Variants in WDFY3 observed in about 807,000 individuals in gnomAD.
WDFY3 encodes WD repeat and FYVE domain-containing protein 3.
In WDFY3, 66 loss-of-function variants were observed where a neutral mutation model predicts 409.6. The ratio of observed to expected loss-of-function variants is 0.16; its 90% CI spans 0.13 to 0.20. The LOEUF (loss-of-function observed/expected upper bound fraction) is 0.20, where lower values mean the gene tolerates loss of function less well. Among genes scored for constraint, WDFY3 ranks in the 10% least tolerant of loss-of-function variants. The pLI, the probability that WDFY3 is intolerant of heterozygous loss-of-function variation, is 1.00. For missense variants in WDFY3, 3,031 were observed against 4,298.1 expected, an observed-to-expected ratio of 0.71 and a Z score of 8.24; for synonymous variants, 1,521 against 1,537.1, an observed-to-expected ratio of 0.99 and a Z score of 0.25.
At chr4:84,858,983 C>G (rs1302968301) in intron 4 of WDFY3, among the ~76,000 whole-genome samples, 1 of 151,088 alleles carries the variant, frequency 6.6e-6, no homozygotes, top group Non-Finnish European at 1.5e-5. Flanking sequence ...GAGAGACAGA[C>G]AGATAGGAAG....
intron 1 of WDFY3, among the ~76,000 whole-genome samples, chr4:84,937,274 G>C (rs374513226): frequency 6.6e-6 from 1 of 152,094 alleles, no homozygotes; most frequent in Non-Finnish European, 1.5e-5. Context: ...CATATCACAT[G>C]CTGATACACT....
In WDFY3 at chr4:84,690,050, T is replaced by C. The variant is rs78047793; in HGVS notation, c.9363+456A>G. On this transcript the variant is annotated intron_variant, in intron 61 of 67. Transcript: ENST00000295888. Reference sequence around the variant, plus strand: ...TCAGAAATACTCGTTAATTAAATCATCAAGGGCTCTACTGAATATATTCAT... The same window carrying C: ...TCAGAAATACTCGTTAATTAAATCACCAAGGGCTCTACTGAATATATTCAT... Among the ~76,000 whole-genome samples, 1,274 of 152,268 alleles carry C rather than the reference T, an allele frequency of 8.4e-3. 23 individuals carry two copies. The highest frequency in any genetic ancestry group is 0.029 in the African/African-American group (1,203 of 41,560).
At chr4:84,702,313 C>A in intron 56 of WDFY3, 40 bp downstream of exon 56, 1 of 1,513,500 alleles carries the variant, frequency 6.6e-7, no homozygotes, top group South Asian at 1.3e-5. Context: ...TGGACTTTTC[C>A]TGGCTAACAT....
Position 84,803,359 on chromosome 4 carries a change from G to A in WDFY3, c.2538C>T (p.Ile846=). 1.2e-6 allele frequency: 2 copies of A among 1,614,124 alleles called. No individual in the cohort carries two copies. Among genetic ancestry groups the A allele is most frequent in the Non-Finnish European group, 1.7e-6 (2 of 1,180,002 alleles). ...TSSLQSSDAV[I]IHPGAMLAML... ...TGGCAAGCATGGCTCCAGGATGAAT[G>A]ATGACTGCATCAGAACTCTGCAGAG... Residue 846 remains isoleucine (I), a synonymous_variant, in exon 16 of 68, where the codon ATC becomes ATT. Coordinates refer to ENST00000295888, the MANE Select transcript of WDFY3 (RefSeq NM_014991.6).
chr4:84,791,052 G>A (rs938731630), intron 21 of WDFY3, among the ~76,000 whole-genome samples: 7 of 152,080 alleles, frequency 4.6e-5, no homozygotes, highest in South Asian at 2.1e-4. Flanking sequence ...CAGTACAGAC[G>A]TTTCTCAAAA....
intron 62 of WDFY3, 186 bp downstream of exon 62, chr4:84,687,900 C>T (rs1256367759): frequency 3.3e-6 from 2 of 610,578 alleles, no homozygotes; most frequent in African/African-American, 3.7e-5. Context: ...TCGGTGCTGA[C>T]CTTAGTGCAG....
At chr4:84,764,881 A>AT (rs1444841383) in intron 32 of WDFY3, among the ~76,000 whole-genome samples, 2 of 151,864 alleles carry the variant, frequency 1.3e-5, no homozygotes, top group Non-Finnish European at 2.9e-5. Context: ...AAAAAAAAAA[A>AT]GATCTGTCTT....
Position 84,776,573 on chromosome 4 carries a change from T to C in WDFY3, c.4519-1435A>G, listed in dbSNP as rs916716168. On this transcript the variant is annotated intron_variant, in intron 27 of 67. Transcript: ENST00000295888. Reference sequence around the variant, plus strand: ...GGCTGGGTTAGGTAGGTCTTCTTAGTGTTCCCATAATCCCTTCTGTCTACC... The same window carrying C: ...GGCTGGGTTAGGTAGGTCTTCTTAGCGTTCCCATAATCCCTTCTGTCTACC... Among the ~76,000 whole-genome samples the C allele has an allele frequency of 5.3e-5, 8 of 152,192 alleles. No individual in the cohort carries two copies. In the South Asian group the frequency reaches 6.2e-4, roughly 12 times the overall value.
intron 61 of WDFY3, among the ~76,000 whole-genome samples, chr4:84,689,195 T>A (rs1443684786): frequency 6.6e-6 from 1 of 152,164 alleles, no homozygotes; most frequent in African/African-American, 2.4e-5. Flanking sequence ...TTTTACAGAT[T>A]GAAGGTTGAT....
intron 4 of WDFY3, among the ~76,000 whole-genome samples, chr4:84,858,284 C>A (rs150955030): frequency 6.6e-6 from 1 of 152,068 alleles, no homozygotes; most frequent in African/African-American, 2.4e-5. Flanking sequence ...GACTGTTCCT[C>A]CCCAGTGCAG....
intron 13 of WDFY3, among the ~76,000 whole-genome samples, chr4:84,815,141 G>A (rs553663490): frequency 6.6e-6 from 1 of 152,308 alleles, no homozygotes; most frequent in East Asian, 1.9e-4. Context: ...TAGAGGAAGT[G>A]AAAGGAGATG....
chr4:84,688,248 A>T lies in WDFY3; in HGVS notation c.9381T>A (p.Thr3127=). The T allele has an allele frequency of 6.2e-7, 1 of 1,614,038 alleles. No individual in the cohort carries two copies. Among genetic ancestry groups the T allele is most frequent in the East Asian group, 2.2e-5 (1 of 44,864 alleles). Residue 3127 remains threonine, a synonymous_variant, in exon 62 of 68, where the codon ACT becomes ACA. Transcript: ENST00000295888. Reference sequence around the variant, plus strand: ...ATGCTGTGGCGCAGGTGACGGTATCAGTGTGGCCCAGTAAGGCCTACGAAT... The same window carrying T: ...ATGCTGTGGCGCAGGTGACGGTATCTGTGTGGCCCAGTAAGGCCTACGAAT... ...VTLKQALLGH[T]DTVTCATASL...
chr4:84,909,630 A>T (rs1767505179), intron 2 of WDFY3, among the ~76,000 whole-genome samples: 1 of 152,058 alleles, frequency 6.6e-6, no homozygotes, highest in Admixed American at 6.6e-5. Flanking sequence ...TATTCCTTAT[A>T]AAATACTAAT....
At position 84,715,349 on chromosome 4, in the gene WDFY3, C is replaced by G; in HGVS notation, c.7910G>C (p.Arg2637Pro). 1 of 1,609,880 alleles carries G rather than the reference C, an allele frequency of 6.2e-7. No individual in the cohort carries two copies. Among genetic ancestry groups the G allele is most frequent in the Non-Finnish European group, 8.5e-7 (1 of 1,176,752 alleles). Reference protein sequence around the residue: ...IAVEVFSGDGRNYLLAFQKGI... With the variant: ...IAVEVFSGDGPNYLLAFQKGI... ...TTTCTGAAAAGCAAGGAGGTAATTCCGTCCATCTCCAGAGAAAACTTCCAC... is the reference window on the plus strand; with the variant it reads ...TTTCTGAAAAGCAAGGAGGTAATTCGGTCCATCTCCAGAGAAAACTTCCAC... Residue 2637 changes from arginine (R) to proline (P), a missense_variant, in exon 50 of 68, where the codon CGG becomes CCG. This residue lies in a region of WDFY3 where 45 missense variants were observed against 121.8 expected (regional missense o/e 0.37). Coordinates refer to ENST00000295888, the MANE Select transcript of WDFY3 (RefSeq NM_014991.6).
chr4:84,810,386 TTC>T, intron 13 of WDFY3, 42 bp from the exon 14 acceptor site: 2 of 1,331,596 alleles, frequency 1.5e-6, no homozygotes, highest in Non-Finnish European at 2.0e-6. Context: ...ATACACATAA[TTC>T]AAAAAAAAAA....
chr4:84,837,205 C>T (rs1756695911), intron 6 of WDFY3, 115 bp from the exon 7 acceptor site: 6 of 880,658 alleles, frequency 6.8e-6, no homozygotes, highest in Non-Finnish European at 9.3e-6. Flanking sequence ...TTTTAAAATG[C>T]ATGTAAGAAT....
chr4:84,938,119 T>C (rs996382784), intron 1 of WDFY3, among the ~76,000 whole-genome samples: 20 of 152,204 alleles, frequency 1.3e-4, no homozygotes, highest in Admixed American at 5.9e-4. Context: ...GTAAAATCTA[T>C]GAGGGCAATG....
chr4:84,727,250 A>C (rs1319561157), intron 44 of WDFY3, among the ~76,000 whole-genome samples: 1 of 152,040 alleles, frequency 6.6e-6, no homozygotes, highest in Non-Finnish European at 1.5e-5. Flanking sequence ...AAAAAAAAAC[A>C]AAAAACAAAA....
Position 84,679,344 on chromosome 4 carries a change from G to A in WDFY3, c.9824-102C>T, listed in dbSNP as rs535135652. The A allele has an allele frequency of 6.9e-6, 8 of 1,164,764 alleles. No homozygotes were observed. The Admixed American group carries it at 1.8e-4, about 26-fold the overall frequency. The allele number at this position is 1,164,764 out of a possible 1,614,324, so 72.2% of individuals were successfully genotyped here. On this transcript the variant is annotated intron_variant, in intron 64 of 67. Transcript: ENST00000295888. Reference sequence around the variant, plus strand: ...TTTCTCCCAGTTATAAGCCTCTATAGACATAATATTTTAAGCTAAGTGTAA... The same window carrying A: ...TTTCTCCCAGTTATAAGCCTCTATAAACATAATATTTTAAGCTAAGTGTAA...
Sources: gnomAD v4.1 joint callset for allele counts (sites outside exome capture counted in the v4.1 genomes callset) on GRCh38, gnomAD v4.1.1 for gene constraint, gnomAD v4.1.1 regional missense constraint, MANE v1.5 for transcripts, NCBI Gene and HGNC (gene_info 2026-07-23, HGNC 2026-07-21) for gene names.